The following RYR3 variants were observed in gnomAD, a reference collection of about 807,000 sequenced individuals.
RYR3 encodes brain ryanodine receptor-calcium release channel.
RYR3 carries 207 observed loss-of-function variants against 584.3 expected under a neutral mutation model. The ratio of observed to expected loss-of-function variants is 0.35; its 90% CI spans 0.32 to 0.40. The LOEUF is 0.40. Ranked by LOEUF, RYR3 falls within the 10% of genes least tolerant of loss-of-function variation. The probability of loss-of-function intolerance (pLI) is 1.00; values close to 1 mark genes in which losing one functional copy is unlikely to be tolerated. For missense variants in RYR3, 5,616 were observed against 6,089.2 expected, an observed-to-expected ratio of 0.92 and a Z score of 2.59; for synonymous variants, 2,416 against 2,248.5, an observed-to-expected ratio of 1.07 and a Z score of -2.11.
intron 75 of RYR3, 64 bp downstream of exon 75, chr15:33,817,022 G>A: frequency 2.1e-6 from 2 of 974,614 alleles, no homozygotes; most frequent in Non-Finnish European, 3.2e-6. Context: ...GAATTCATGT[G>A]TGTGGTTGTA....
rs778126112 is a variant in RYR3 at position 33,311,130 on chromosome 15, A to G, written c.51+34A>G. 2.0e-6 allele frequency: 3 copies of G among 1,518,216 alleles called. No homozygotes were observed. Among genetic ancestry groups the G allele is most frequent in the Admixed American group, 3.9e-5 (2 of 51,580 alleles). 94.0% of individuals were successfully genotyped at this position (1,518,216 alleles called of 1,614,324 possible). A position where few individuals can be genotyped will look rare whatever the true frequency, so the allele number is the denominator to read the frequency against. On this transcript the variant is annotated intron_variant, in intron 1 of 103. Transcript: ENST00000634891. The surrounding 1 kb of genome is among the most constrained non-coding windows in gnomAD (Gnocchi z 4.4). Reference sequence around the variant, plus strand: ...CCGCGGCGGGGGCGAGGCCGTGGGCAGGTGGGGAGGAGCGCGGAGCGCGGC... The same window carrying G: ...CCGCGGCGGGGGCGAGGCCGTGGGCGGGTGGGGAGGAGCGCGGAGCGCGGC...
chr15:33,603,135 C>T lies in RYR3; in HGVS notation c.1935C>T (p.Asn645=). The change falls in exon 18 of 104, where the codon AAC becomes AAT. Residue 645 remains asparagine (N), a synonymous_variant. Transcript: ENST00000634891. ...LINDVTSIRP[N]IFLGVAEGSA... ...TGTTTACTTTCAGTATCCGGCCAAA[C>T]ATCTTCCTGGGAGTCGCGGAGGGCT... The T allele has an allele frequency of 6.2e-7, 1 of 1,613,798 alleles. No homozygotes were observed.
Position 33,550,235 on chromosome 15 carries a change from G to T in RYR3, c.891G>T (p.Leu297Phe). The change falls in exon 10 of 104, where the codon TTG becomes TTT. Residue 297 changes from leucine to phenylalanine, a missense_variant. Physicochemically the swap from Leu to Phe is conservative, Grantham distance 22 (BLOSUM62 0). Transcript: ENST00000634891. The part of the protein sequence containing the change: ...RHLTTGHYLA[L>F]TEDQGLILQD... ...TCACCACAGGCCACTACCTGGCCTT[G>T]ACAGAAGACCAAGGCCTTATACTGC... The T allele has an allele frequency of 1.2e-6, 2 of 1,613,748 alleles. No homozygotes were observed. The highest frequency in any genetic ancestry group is 1.7e-6 in the Non-Finnish European group (2 of 1,179,798).
intron 94 of RYR3, among the ~76,000 whole-genome samples, chr15:33,848,822 TC>T (rs2078891312): frequency 7.4e-6 from 1 of 134,556 alleles, no homozygotes; most frequent in East Asian, 2.2e-4. Flanking sequence ...ATCTCTGAAG[TC>T]CTCTTTTTTT....
intron 2 of RYR3, among the ~76,000 whole-genome samples, chr15:33,483,200 T>C (rs761857874): frequency 1.1e-4 from 16 of 152,192 alleles, no homozygotes; most frequent in African/African-American, 3.1e-4. Context: ...ATCTCTCTCT[T>C]CTCCCATTAT....
At chr15:33,530,306 T>C (rs2054757988) in intron 3 of RYR3, among the ~76,000 whole-genome samples, 1 of 152,202 alleles carries the variant, frequency 6.6e-6, no homozygotes, top group Non-Finnish European at 1.5e-5. Context: ...CTATGTCACT[T>C]ACATGCTTCT....
Position 33,662,529 on chromosome 15 carries a change from T to A in RYR3, c.4999T>A (p.Phe1667Ile). The A allele has an allele frequency of 6.2e-7, 1 of 1,613,936 alleles. No individual in the cohort carries two copies. Among genetic ancestry groups the A allele is most frequent in the South Asian group, 1.1e-5 (1 of 91,072 alleles). The change falls in exon 35 of 104, where the codon TTC (phenylalanine) becomes ATC (isoleucine). Residue 1667 changes from phenylalanine to isoleucine, a missense_variant. Around this residue, in one of 9 missense-constraint regions of RYR3, gnomAD observed 753 missense variants for 741.0 expected, o/e 1.02. Transcript: ENST00000634891. Reference protein sequence around the residue: ...LRTCLKPGFRFSTPCFVVTGE... With the variant: ...LRTCLKPGFRISTPCFVVTGE... ...AACATGTCTCAAGCCCGGGTTCAGG[T>A]TCTCCACCCCTTGCTTTGTTGTGAC...
intron 12 of RYR3, among the ~76,000 whole-genome samples, chr15:33,571,965 G>A (rs1237753932): frequency 6.6e-6 from 1 of 151,864 alleles, no homozygotes; most frequent in African/African-American, 2.4e-5. Context: ...ACTTTTTTGA[G>A]GAGTTATTCT....
intron 60 of RYR3, among the ~76,000 whole-genome samples, chr15:33,765,309 T>C (rs568564539): frequency 1.3e-5 from 2 of 152,116 alleles, no homozygotes; most frequent in East Asian, 1.9e-4. Flanking sequence ...GACTAGACTT[T>C]TAAGTAGCAA....
chr15:33,810,998 C>T lies in RYR3; in HGVS notation c.10218C>T (p.Val3406=). The T allele has an allele frequency of 6.2e-7, 1 of 1,609,004 alleles. No homozygotes were observed. Among genetic ancestry groups the T allele is most frequent in the South Asian group, 1.1e-5 (1 of 89,280 alleles). Residue 3406 remains valine, a synonymous_variant, in exon 72 of 104, where the codon GTC becomes GTT. Coordinates refer to ENST00000634891, the MANE Select transcript of RYR3 (RefSeq NM_001036.6). ...CACAGAGGGACACAGATGAAGAGGT[C>T]AGAGAACATCTGCGGAACAACTTGC... ...RYSHRDTDEE[V]REHLRNNLHL... is the part of the protein sequence containing the mutation.
intron 98 of RYR3, 170 bp downstream of exon 98, chr15:33,855,082 A>G: frequency 1.9e-6 from 1 of 532,206 alleles, no homozygotes; most frequent in Non-Finnish European, 3.0e-6. Flanking sequence ...ATTGTAGCCA[A>G]TTAAAAATGT....
chr15:33,724,080 TGAAGAGGAA>T lies in RYR3; in HGVS notation c.6822_6830del (p.Glu2275_Glu2277del). 1 of 1,608,498 alleles carries T rather than the reference TGAAGAGGAA, an allele frequency of 6.2e-7. No individual in the cohort carries two copies. The highest frequency in any genetic ancestry group is 8.5e-7 in the Non-Finnish European group (1 of 1,175,034). On this transcript the variant is annotated inframe_deletion, in exon 45 of 104. Transcript: ENST00000634891. ...GTTCTCTCAGCAGCACGGGGGACGA[TGAAGAGGAA>T]GAAGAAATCGTGCATATGGGCAATG...
Position 33,550,333 on chromosome 15 carries a change from T to C in RYR3, c.972+17T>C. On this transcript the variant is annotated intron_variant, in intron 10 of 103. Coordinates refer to ENST00000634891, the MANE Select transcript of RYR3 (RefSeq NM_001036.6). ...GCATCAAAGGTAAGGTGTGATAAAG[T>C]GGACTTTGACCCTGTTCTAAAAGTG... 1.9e-6 allele frequency: 3 copies of C among 1,607,742 alleles called. No individual in the cohort carries two copies. Among genetic ancestry groups the C allele is most frequent in the Non-Finnish European group, 2.5e-6 (3 of 1,177,088 alleles).
chr15:33,748,627 C>G, intron 55 of RYR3, 97 bp downstream of exon 55: 1 of 996,702 alleles, frequency 1.0e-6, no homozygotes. Flanking sequence ...ATGCCTAGAA[C>G]ATATCACCAC....
intron 32 of RYR3, among the ~76,000 whole-genome samples, chr15:33,653,903 T>C (rs2062655605): frequency 6.6e-6 from 1 of 152,204 alleles, no homozygotes; most frequent in South Asian, 2.1e-4. Context: ...CACTGAAATA[T>C]TTGAGAAATA....
At chr15:33,783,578 T>A (rs1002726352) in intron 65 of RYR3, among the ~76,000 whole-genome samples, 15 of 152,236 alleles carry the variant, frequency 9.9e-5, no homozygotes, top group Middle Eastern at 3.2e-3. Context: ...CAAAAAGTGT[T>A]CATGATGATG....
chr15:33,696,114 C>A, intron 38 of RYR3, 104 bp from the exon 39 acceptor site: 2 of 1,139,740 alleles, frequency 1.8e-6, no homozygotes, highest in South Asian at 3.1e-5. Context: ...AATTTTGTAA[C>A]CTCAACCAAT....
chr15:33,606,130 G>A (rs958662577), intron 18 of RYR3, among the ~76,000 whole-genome samples: 12 of 152,260 alleles, frequency 7.9e-5, no homozygotes, highest in Admixed American at 5.2e-4. Context: ...TTACGCCTGG[G>A]TTTGAGTCCT....
rs79555420 is a variant in RYR3 at position 33,392,946 on chromosome 15, T to G, written c.52-80473T>G. On this transcript the variant is annotated intron_variant, in intron 1 of 103. Coordinates refer to ENST00000634891, the MANE Select transcript of RYR3 (RefSeq NM_001036.6). ...TAGGAAGCCTACAAGGGCATGGGAT[T>G]GCACAAGAAGCTAGCACACTACAGA... Among the ~76,000 whole-genome samples, 1,211 of 152,362 alleles carry G rather than the reference T, an allele frequency of 7.9e-3. 5 individuals carry two copies. Among genetic ancestry groups the G allele is most frequent in the Non-Finnish European group, 0.012 (836 of 68,040 alleles).
Sources: gnomAD v4.1 joint callset for allele counts (sites outside exome capture counted in the v4.1 genomes callset) on GRCh38, gnomAD v4.1.1 for gene constraint, gnomAD v4.1.1 regional missense constraint, Gnocchi (gnomAD v3.1) non-coding constraint, MANE v1.5 for transcripts, NCBI Gene and HGNC (gene_info 2026-07-23, HGNC 2026-07-21) for gene names.